Variants in MSRB3 observed in about 807,000 individuals in gnomAD.
MSRB3 encodes the protein methionine-R-sulfoxide reductase B3.
Under a neutral mutation model 21.0 loss-of-function variants are expected in MSRB3, and 13 were observed. The ratio of observed to expected loss-of-function variants is 0.62; its 90% CI spans 0.40 to 0.98. The LOEUF (loss-of-function observed/expected upper bound fraction) is 0.98. Ranked by LOEUF, MSRB3 falls within the 50% of genes least tolerant of loss-of-function variation. The pLI is 0.00. For missense variants in MSRB3, 199 were observed against 230.3 expected, an observed-to-expected ratio of 0.86 and a Z score of 0.88; for synonymous variants, 87 against 88.6, an observed-to-expected ratio of 0.98 and a Z score of 0.10.
intron 5 of MSRB3, among the ~76,000 whole-genome samples, chr12:65,388,850 G>A (rs11175743): frequency 0.044 from 6,694 of 152,238 alleles, 498 homozygotes; most frequent in African/African-American, 0.15. Flanking sequence ...TAGCCTGGGT[G>A]ACAGAGTGAG....
intron 5 of MSRB3, among the ~76,000 whole-genome samples, chr12:65,373,320 C>A (rs1237167148): frequency 1.3e-5 from 2 of 152,138 alleles, no homozygotes; most frequent in Admixed American, 1.3e-4. Flanking sequence ...AGTAGAATAG[C>A]TTTCTGACCA....
At chr12:65,416,707 G>A (rs1041578391) in intron 5 of MSRB3, among the ~76,000 whole-genome samples, 2 of 152,178 alleles carry the variant, frequency 1.3e-5, no homozygotes, top group African/African-American at 4.8e-5. Flanking sequence ...ACTAGGTGTA[G>A]GACTTTTTCA....
intron 5 of MSRB3, among the ~76,000 whole-genome samples, chr12:65,398,027 G>A (rs1879910324): frequency 6.6e-6 from 1 of 152,138 alleles, no homozygotes; most frequent in Non-Finnish European, 1.5e-5. Flanking sequence ...ATTTGGGTTG[G>A]TTCCAAGTCT....
chr12:65,305,498 G>A (rs1410473751), intron 1 of MSRB3, among the ~76,000 whole-genome samples: 2 of 152,188 alleles, frequency 1.3e-5, no homozygotes, highest in Non-Finnish European at 2.9e-5. Context: ...CAAGAGCACT[G>A]GCTTTGGAGG....
chr12:65,315,961 C>T (rs918015252), intron 2 of MSRB3: 5 of 152,164 alleles, frequency 3.3e-5, no homozygotes, highest in East Asian at 1.9e-4. Context: ...TACATGTTAG[C>T]GCAGAAAGAT....
intron 5 of MSRB3, among the ~76,000 whole-genome samples, chr12:65,400,315 A>G (rs981017330): frequency 2.0e-5 from 3 of 151,760 alleles, no homozygotes; most frequent in African/African-American, 7.3e-5. Flanking sequence ...CAGAGATTCA[A>G]CTTCTTCCTG....
chr12:65,358,468 T>A (rs1877515283), intron 4 of MSRB3, among the ~76,000 whole-genome samples: 1 of 152,062 alleles, frequency 6.6e-6, no homozygotes, highest in Non-Finnish European at 1.5e-5. Flanking sequence ...GTTGCTCATA[T>A]TGTTCCAGGT....
intron 1 of MSRB3, among the ~76,000 whole-genome samples, chr12:65,293,633 C>CTACA (rs1180330246): frequency 6.6e-6 from 1 of 152,212 alleles, no homozygotes; most frequent in African/African-American, 2.4e-5. Flanking sequence ...GCCCCACAAG[C>CTACA]TACAGTACAT....
intron 4 of MSRB3, among the ~76,000 whole-genome samples, chr12:65,353,593 T>C (rs1592556531): frequency 6.6e-6 from 1 of 151,690 alleles, no homozygotes; most frequent in Admixed American, 6.6e-5. Flanking sequence ...TCTTCCTCCA[T>C]CCCTTTATTT....
intron 2 of MSRB3, among the ~76,000 whole-genome samples, chr12:65,325,453 G>A (rs928781703): frequency 6.6e-6 from 1 of 151,964 alleles, no homozygotes; most frequent in African/African-American, 2.4e-5. Flanking sequence ...CTTTGGGTCT[G>A]GCTTGCTCTT....
At chr12:65,380,284 A>G (rs1013501285) in intron 5 of MSRB3, among the ~76,000 whole-genome samples, 5 of 152,182 alleles carry the variant, frequency 3.3e-5, no homozygotes, top group Non-Finnish European at 5.9e-5. Context: ...GAACTGGAGT[A>G]TTTTTGTTGG....
chr12:65,396,704 AAAAGAAAGAAAGAAAGAAAG>A (rs752672139), intron 5 of MSRB3, among the ~76,000 whole-genome samples: 72 of 54,152 alleles, frequency 1.3e-3, no homozygotes, highest in Non-Finnish European at 2.4e-3. Flanking sequence ...AAAAAAAAAA[AAAAGAAAGAAAGAAAGAAAG>A]AAAGAAAGAA....
intron 1 of MSRB3, among the ~76,000 whole-genome samples, chr12:65,280,243 C>T (rs1337040187): frequency 6.6e-6 from 1 of 152,118 alleles, no homozygotes; most frequent in Non-Finnish European, 1.5e-5. Flanking sequence ...ATATCAGTTT[C>T]ATGTTTCTTT....
At chr12:65,341,544 TA>T (rs3080854) in intron 4 of MSRB3, among the ~76,000 whole-genome samples, 55,845 of 148,370 alleles carry the variant, frequency 0.38, 13,500 homozygotes, top group African/African-American at 0.7. Context: ...AATTGTACAT[TA>T]AAAAAAAAAA....
chr12:65,397,405 T>C (rs1420294660), intron 5 of MSRB3, among the ~76,000 whole-genome samples: 1 of 152,192 alleles, frequency 6.6e-6, no homozygotes, highest in Admixed American at 6.5e-5. Context: ...CAAACTTGCA[T>C]TGCTACTTGT....
intron 2 of MSRB3, among the ~76,000 whole-genome samples, chr12:65,317,091 A>G (rs1035742247): frequency 1.8e-4 from 28 of 152,158 alleles, no homozygotes; most frequent in African/African-American, 6.5e-4. Flanking sequence ...CCTGGCTGTC[A>G]TTAACCAGGT....
intron 5 of MSRB3, among the ~76,000 whole-genome samples, chr12:65,410,257 T>C (rs948775792): frequency 2.6e-5 from 4 of 152,168 alleles, no homozygotes; most frequent in African/African-American, 9.7e-5. Flanking sequence ...TTTTATCTGG[T>C]TGATATGTTT....
intron 5 of MSRB3, among the ~76,000 whole-genome samples, chr12:65,404,794 T>C (rs368418702): frequency 1.3e-3 from 201 of 152,298 alleles, no homozygotes; most frequent in African/African-American, 4.6e-3. Context: ...TGCAATTTTC[T>C]CAAGTATACA....
intron 5 of MSRB3, among the ~76,000 whole-genome samples, chr12:65,429,770 A>T (rs148713142): frequency 2.0e-5 from 3 of 152,312 alleles, no homozygotes; most frequent in Non-Finnish European, 4.4e-5. Flanking sequence ...CAGCTATATC[A>T]TAATGAATTC....
Sources: allele counts gnomAD v4.1 joint callset (sites outside exome capture counted in the v4.1 genomes callset), GRCh38; gene constraint gnomAD v4.1.1; transcripts MANE v1.5; gene names NCBI Gene and HGNC (gene_info 2026-07-23, HGNC 2026-07-21).